NLRC5: variants seen among roughly 807,000 people sequenced by gnomAD.
NLRC5 encodes protein NLRC5.
In NLRC5, 114 loss-of-function variants were observed where a neutral mutation model predicts 206.9. The observed-to-expected ratio is 0.55, with a 90% CI of 0.47 to 0.64. The LOEUF (loss-of-function observed/expected upper bound fraction) is 0.64. Among genes scored for constraint, NLRC5 ranks in the 30% least tolerant of loss-of-function variants. The pLI is 0.00. For synonymous variants in NLRC5, 952 were observed against 962.8 expected (o/e 0.99, Z 0.21); for missense variants, 2,008 against 2,305.5 (o/e 0.87, Z 2.64).
chr16:57,030,196 C>G (rs2061646087), intron 10 of NLRC5, 112 bp downstream of exon 10: 1 of 847,202 alleles, frequency 1.2e-6, no homozygotes, highest in Non-Finnish European at 1.9e-6. Flanking sequence ...TGTGCATACC[C>G]TACTGTTTTA....
chr16:57,033,865 C>T (rs182665404), intron 12 of NLRC5, among the ~76,000 whole-genome samples, 196 bp downstream of exon 12: 1 of 152,320 alleles, frequency 6.6e-6, no homozygotes, highest in Non-Finnish European at 1.5e-5. Context: ...ACAATAGCTG[C>T]AACTTAATGG....
chr16:57,015,698 C>T (rs764286807), intron 1 of NLRC5, among the ~76,000 whole-genome samples: 3 of 151,822 alleles, frequency 2.0e-5, no homozygotes, highest in African/African-American at 7.2e-5. Flanking sequence ...GAGGCCGAGG[C>T]GGGCAGATCA....
Position 57,083,514 on chromosome 16 carries a change from T to C in NLRC5, c.*986T>C, listed in dbSNP as rs1027225365. Reference sequence around the variant, plus strand: ...CAGGCTTGATCAATAAACACAATGGTATTCCACGTCTAGCGTGAATCCAAT... The same window carrying C: ...CAGGCTTGATCAATAAACACAATGGCATTCCACGTCTAGCGTGAATCCAAT... On this transcript the variant is annotated 3_prime_UTR_variant, in exon 49 of 49. Transcript: ENST00000688547. The C allele has an allele frequency of 2.6e-5, 4 of 152,366 alleles. No individual in the cohort carries two copies. The East Asian group carries it at 7.7e-4, about 29-fold the overall frequency. 9.4% of individuals were successfully genotyped at this position (152,366 alleles called of 1,614,324 possible).
chr16:57,054,857 G>A lies in NLRC5; in HGVS notation c.3596+17G>A. Reference sequence around the variant, plus strand: ...GGATCTCAGGTGGGCATTCCCCTGGGACAGCCAGGACTCGTCCTGAAGGGT... The same window carrying A: ...GGATCTCAGGTGGGCATTCCCCTGGAACAGCCAGGACTCGTCCTGAAGGGT... On this transcript the variant is annotated intron_variant, in intron 25 of 48. Coordinates refer to ENST00000688547, the MANE Select transcript of NLRC5 (RefSeq NM_001384950.1). 1 of 1,611,746 alleles carries A rather than the reference G, an allele frequency of 6.2e-7. No individual in the cohort carries two copies. The highest frequency in any genetic ancestry group is 8.5e-7 in the Non-Finnish European group (1 of 1,177,824).
chr16:57,010,903 TAAA>T (rs780913523), intron 1 of NLRC5, among the ~76,000 whole-genome samples: 1,524 of 151,986 alleles, frequency 0.01, 26 homozygotes, highest in African/African-American at 0.028. Flanking sequence ...TGGCTTTTTT[TAAA>T]AAAAAATCAA....
In NLRC5 at chr16:57,079,093, G is replaced by A. The variant is rs774368058; in HGVS notation, c.5125G>A (p.Ala1709Thr). 1 of 1,614,152 alleles carries A rather than the reference G, an allele frequency of 6.2e-7. No individual in the cohort carries two copies. Among genetic ancestry groups the A allele is most frequent in the South Asian group, 1.1e-5 (1 of 91,082 alleles). ...GGGCCCAGGTGGGGCCCTGAGCCTG[G>A]CCCAGGCCCTGGATGGATCCCCCCA... The part of the protein sequence containing the change: ...HLGPGGALSL[A>T]QALDGSPHLE... Residue 1709 changes from alanine to threonine, a missense_variant, in exon 44 of 49, where the codon GCC becomes ACC. Physicochemically the swap from Ala to Thr is moderately conservative, Grantham distance 58 (BLOSUM62 0). Coordinates refer to ENST00000688547, the MANE Select transcript of NLRC5 (RefSeq NM_001384950.1).
At chr16:57,009,322 A>T (rs1334143981) in intron 1 of NLRC5, among the ~76,000 whole-genome samples, 1 of 137,924 alleles carries the variant, frequency 7.3e-6, no homozygotes, top group East Asian at 2.2e-4. Context: ...AGCTGGGCGC[A>T]GTGGCTCATG....
chr16:57,025,843 C>G lies in NLRC5; in HGVS notation c.900C>G (p.Asp300Glu). The G allele has an allele frequency of 1.2e-6, 2 of 1,614,252 alleles. No individual in the cohort carries two copies. The highest frequency in any genetic ancestry group is 1.7e-6 in the Non-Finnish European group (2 of 1,180,052). ...TCCAGTACCTGGAGAAGAACGCTGA[C>G]CAAGTCCTGCTGATCTTTGATGGGC... is the stretch of plus-strand genomic sequence containing the variant. ...TVFQYLEKNA[D>E]QVLLIFDGLD... Residue 300 changes from aspartate to glutamate, a missense_variant, in exon 6 of 49, where the codon GAC (aspartate) becomes GAG (glutamate). By Grantham distance (45) the Asp-to-Glu change is conservative. Transcript: ENST00000688547.
intron 1 of NLRC5, chr16:56,992,571 G>C (rs1324821307): frequency 2.0e-5 from 3 of 151,758 alleles, no homozygotes; most frequent in Admixed American, 2.0e-4. Context: ...CCACCTCCCA[G>C]GTTTAAGTGA....
chr16:57,050,729 G>A (rs1427156806), intron 23 of NLRC5, among the ~76,000 whole-genome samples: 1 of 152,158 alleles, frequency 6.6e-6, no homozygotes, highest in Non-Finnish European at 1.5e-5. Context: ...ATGATGAGCT[G>A]GTTGGTCTGG....
chr16:57,063,802 G>A (rs1225934389), intron 32 of NLRC5, among the ~76,000 whole-genome samples: 4 of 152,042 alleles, frequency 2.6e-5, no homozygotes, highest in South Asian at 2.1e-4. Context: ...GCAGTGGTGC[G>A]ATCTCGGCTC....
At chr16:56,993,352 T>G (rs1332318984) in intron 1 of NLRC5, among the ~76,000 whole-genome samples, 1 of 152,180 alleles carries the variant, frequency 6.6e-6, no homozygotes, top group African/African-American at 2.4e-5. Context: ...ACCGTATGAC[T>G]GCTCTGTAAT....
intron 1 of NLRC5, among the ~76,000 whole-genome samples, chr16:57,003,554 C>T (rs1597096445): frequency 6.6e-6 from 1 of 152,100 alleles, no homozygotes; most frequent in East Asian, 1.9e-4. Flanking sequence ...GCCTGGTGGG[C>T]ATTGCCTTGC....
At chr16:57,022,607 C>G (rs2060799250) in intron 4 of NLRC5, among the ~76,000 whole-genome samples, 1 of 152,210 alleles carries the variant, frequency 6.6e-6, no homozygotes, top group Non-Finnish European at 1.5e-5. Context: ...TGCCCGCAAC[C>G]CGCAGGGCCT....
At chr16:57,077,447 T>C in intron 41 of NLRC5, 68 bp downstream of exon 41, 2 of 1,407,208 alleles carry the variant, frequency 1.4e-6, no homozygotes, top group Non-Finnish European at 2.0e-6. Context: ...TACTGGCCCC[T>C]AGCTGAGGCC....
intron 27 of NLRC5, among the ~76,000 whole-genome samples, chr16:57,057,714 A>G (rs1174189941): frequency 1.3e-5 from 2 of 152,188 alleles, no homozygotes; most frequent in African/African-American, 4.8e-5. Flanking sequence ...AAGAGGACCA[A>G]GAGGATGGGT....
chr16:57,018,431 T>C lies in NLRC5; in HGVS notation c.-13+1243T>C, dbSNP rs7190753. Among the ~76,000 whole-genome samples the C allele has an allele frequency of 7.8e-3, 1,189 of 152,292 alleles. 10 individuals are homozygous for C. The highest frequency in any genetic ancestry group is 0.01 in the Non-Finnish European group (702 of 68,022). ...GGCCATGGTCTTTCCGTCTGCTTAGTGGAGGTGGTGATCCCTGCCTGAGGA... is the reference window on the plus strand; with the variant it reads ...GGCCATGGTCTTTCCGTCTGCTTAGCGGAGGTGGTGATCCCTGCCTGAGGA... On this transcript the variant is annotated intron_variant, in intron 2 of 48. Transcript: ENST00000688547.
Position 57,079,077 on chromosome 16 carries a change from TG to T in NLRC5, c.5113del (p.Ala1705ProfsTer2). On this transcript the variant is annotated frameshift_variant, in exon 44 of 49. Coordinates refer to ENST00000688547, the MANE Select transcript of NLRC5 (RefSeq NM_001384950.1). LOFTEE classifies it high-confidence loss of function. ...HLPFSHLGPG[G>X]ALSLAQALDG... ...TACCATTCAGCCATCTGGGCCCAGGTGGGGCCCTGAGCCTGGCCCAGGCCCT... is the reference window on the plus strand; with the variant it reads ...TACCATTCAGCCATCTGGGCCCAGGTGGGCCCTGAGCCTGGCCCAGGCCCT... 6.2e-7 allele frequency: 1 copy of T among 1,614,038 alleles called. No individual in the cohort carries two copies. The highest frequency in any genetic ancestry group is 8.5e-7 in the Non-Finnish European group (1 of 1,179,980).
intron 5 of NLRC5, among the ~76,000 whole-genome samples, chr16:57,024,321 A>C (rs1175472980): frequency 1.3e-5 from 2 of 152,172 alleles, no homozygotes; most frequent in Admixed American, 1.3e-4. Flanking sequence ...GAGAGAAGAA[A>C]GGGGACTTCT....
Sources: allele counts gnomAD v4.1 joint callset (sites outside exome capture counted in the v4.1 genomes callset), GRCh38; gene constraint gnomAD v4.1.1; transcripts MANE v1.5; gene names NCBI Gene and HGNC (gene_info 2026-07-23, HGNC 2026-07-21).